The following INSYN2B variants were observed in gnomAD, a reference collection of about 807,000 sequenced individuals.
The protein encoded by INSYN2B is inhibitory synaptic factor family member 2B.
A neutral mutation model predicts 41.2 loss-of-function variants in INSYN2B; 16 were observed. That is an observed-to-expected ratio of 0.39 (90% confidence interval 0.26 to 0.59). The LOEUF is 0.59. Ranked by LOEUF, INSYN2B falls within the 20% of genes least tolerant of loss-of-function variation. The pLI is 0.57. For missense variants in INSYN2B, 608 were observed against 646.4 expected, an observed-to-expected ratio of 0.94 and a Z score of 0.64; for synonymous variants, 245 against 244.4, an observed-to-expected ratio of 1.00 and a Z score of -0.02.
At chr5:169,904,041 C>T (rs867239359) in intron 1 of INSYN2B, among the ~76,000 whole-genome samples, 2 of 140,830 alleles carry the variant, frequency 1.4e-5, no homozygotes, top group African/African-American at 5.5e-5. Flanking sequence ...TGCAGTGAGC[C>T]GAGATCGTTC....
chr5:169,868,964 G>T (rs1161260220), intron 3 of INSYN2B, among the ~76,000 whole-genome samples: 1 of 152,138 alleles, frequency 6.6e-6, no homozygotes, highest in African/African-American at 2.4e-5. Context: ...TCCTGGCTGG[G>T]TGACCCTGGG....
intron 1 of INSYN2B, among the ~76,000 whole-genome samples, chr5:169,930,054 G>C (rs879929943): frequency 2.0e-5 from 3 of 152,118 alleles, no homozygotes; most frequent in Admixed American, 1.3e-4. Flanking sequence ...GCAGTGGCAC[G>C]ATCTCAGCTC....
At chr5:169,925,152 A>G (rs575161908) in intron 1 of INSYN2B, among the ~76,000 whole-genome samples, 27 of 152,268 alleles carry the variant, frequency 1.8e-4, no homozygotes, top group African/African-American at 6.3e-4. Flanking sequence ...AGTGTAATAC[A>G]TGGTAAAGAG....
intron 1 of INSYN2B, among the ~76,000 whole-genome samples, chr5:169,911,647 T>G (rs1210162751): frequency 6.6e-6 from 1 of 152,248 alleles, no homozygotes; most frequent in East Asian, 1.9e-4. Flanking sequence ...CTTTTCTGTC[T>G]GCCTTCAAGT....
chr5:169,922,051 C>T (rs774015306), intron 1 of INSYN2B, among the ~76,000 whole-genome samples: 2 of 152,170 alleles, frequency 1.3e-5, no homozygotes, highest in Non-Finnish European at 2.9e-5. Context: ...ACTCAAATAC[C>T]TTCTTTCTAT....
chr5:169,961,483 T>A (rs184530073), intron 1 of INSYN2B, among the ~76,000 whole-genome samples: 1 of 152,334 alleles, frequency 6.6e-6, no homozygotes, highest in East Asian at 1.9e-4. Context: ...GTGTTCATTT[T>A]AAAACTATTG....
rs950762900 is a variant in INSYN2B, at chr5:169,924,318, C to A, written c.-918-39502G>T. Among the ~76,000 whole-genome samples the A allele has an allele frequency of 3.9e-5, 6 of 152,250 alleles. No homozygotes were observed. In the South Asian group the frequency reaches 1.2e-3, roughly 32 times the overall value. On this transcript the variant is annotated intron_variant, in intron 1 of 3. Coordinates refer to ENST00000377365, the MANE Select transcript of INSYN2B (RefSeq NM_001129891.3). ...TATATTTTCAAAATAAATAGGAAGT[C>A]TCTGTCCTCATACTCTTTCCCTGTC...
intron 1 of INSYN2B, among the ~76,000 whole-genome samples, chr5:169,973,292 G>A (rs1321259368): frequency 6.6e-6 from 1 of 152,074 alleles, no homozygotes; most frequent in Admixed American, 6.6e-5. Flanking sequence ...ATTTCCACAG[G>A]GGGGTTTAAA....
At chr5:169,864,517 A>G in intron 3 of INSYN2B, 58 bp from the exon 4 acceptor site, 2 of 1,262,540 alleles carry the variant, frequency 1.6e-6, no homozygotes, top group Non-Finnish European at 2.2e-6. Context: ...AGACTGATTA[A>G]GCATCTCTCA....
chr5:169,956,980 CA>C (rs1479134068), intron 1 of INSYN2B, among the ~76,000 whole-genome samples: 2 of 151,958 alleles, frequency 1.3e-5, no homozygotes, highest in African/African-American at 4.8e-5. Context: ...GAACACCAGG[CA>C]AAACCACAGG....
chr5:169,869,771 G>A (rs942403157), intron 3 of INSYN2B, among the ~76,000 whole-genome samples: 2 of 152,126 alleles, frequency 1.3e-5, no homozygotes, highest in African/African-American at 2.4e-5. Context: ...CTCTGCTTTG[G>A]GTTTCAGCCC....
chr5:169,971,605 T>A (rs1208350259), intron 1 of INSYN2B, among the ~76,000 whole-genome samples: 1 of 152,190 alleles, frequency 6.6e-6, no homozygotes. Context: ...CAGAGTGTGA[T>A]GATTCTGCCA....
chr5:169,953,536 CT>C (rs1776750913), intron 1 of INSYN2B, among the ~76,000 whole-genome samples: 1 of 152,134 alleles, frequency 6.6e-6, no homozygotes, highest in Non-Finnish European at 1.5e-5. Flanking sequence ...GCTGATGGAG[CT>C]GTCAATAACA....
At chr5:169,873,782 C>T (rs1291261319) in intron 3 of INSYN2B, among the ~76,000 whole-genome samples, 1 of 152,206 alleles carries the variant, frequency 6.6e-6, no homozygotes, top group African/African-American at 2.4e-5. Flanking sequence ...GGCCAAATCG[C>T]TTAACCAAGA....
chr5:169,909,770 G>C (rs892076654), intron 1 of INSYN2B, among the ~76,000 whole-genome samples: 1 of 152,150 alleles, frequency 6.6e-6, no homozygotes, highest in Non-Finnish European at 1.5e-5. Flanking sequence ...TACAATCCAA[G>C]ATGATCACTT....
At chr5:169,885,472 C>G (rs1772919332) in intron 1 of INSYN2B, among the ~76,000 whole-genome samples, 2 of 152,226 alleles carry the variant, frequency 1.3e-5, no homozygotes, top group South Asian at 4.1e-4. Context: ...TGAACTCGTT[C>G]TGCTATGACT....
At chr5:169,963,787 A>G (rs73327831) in intron 1 of INSYN2B, among the ~76,000 whole-genome samples, 3,947 of 152,034 alleles carry the variant, frequency 0.026, 164 homozygotes, top group African/African-American at 0.087. Context: ...GATGCTCTCT[A>G]AGGCCCTGGC....
intron 1 of INSYN2B, among the ~76,000 whole-genome samples, chr5:169,953,694 G>A (rs560559469): frequency 1.3e-5 from 2 of 152,274 alleles, no homozygotes; most frequent in South Asian, 4.2e-4. Flanking sequence ...TCCATTTAAT[G>A]CAGCATAAAG....
chr5:169,940,180 A>G (rs1776180826), intron 1 of INSYN2B, among the ~76,000 whole-genome samples: 1 of 152,188 alleles, frequency 6.6e-6, no homozygotes, highest in Non-Finnish European at 1.5e-5. Flanking sequence ...GATCTTTAGA[A>G]GGGACCTGCT....
Sources: allele counts gnomAD v4.1 joint callset (sites outside exome capture counted in the v4.1 genomes callset), GRCh38; gene constraint gnomAD v4.1.1; transcripts MANE v1.5; gene names NCBI Gene and HGNC (gene_info 2026-07-23, HGNC 2026-07-21).